Variants in DOCK7 observed in about 807,000 individuals in gnomAD.
DOCK7 encodes dedicator of cytokinesis 7.
A neutral mutation model predicts 271.0 loss-of-function variants in DOCK7; 138 were observed. That is an observed-to-expected ratio of 0.51 (90% CI 0.44 to 0.59). The LOEUF (loss-of-function observed/expected upper bound fraction) is 0.59. Ranked by LOEUF, DOCK7 falls within the 20% of genes least tolerant of loss-of-function variation. DOCK7 has a pLI of 0.00. For synonymous variants in DOCK7, 823 were observed against 876.1 expected (o/e 0.94, Z 1.07); for missense variants, 2,066 against 2,592.4 (o/e 0.80, Z 4.41).
chr1:62,598,585 A>G, intron 14 of DOCK7: 1 of 690,098 alleles, frequency 1.4e-6, no homozygotes, highest in South Asian at 1.7e-5. Flanking sequence ...GCCAATATTC[A>G]TTTTTCAAAT....
At chr1:62,524,953 ATATTAC>A (rs1557666256) in intron 31 of DOCK7, among the ~76,000 whole-genome samples, 1 of 119,420 alleles carries the variant, frequency 8.4e-6, no homozygotes, top group African/African-American at 3.0e-5. Context: ...ATATATATAT[ATATTAC>A]TATAAACTAT....
In DOCK7 at chr1:62,501,267, A is replaced by G. The variant is rs181657324; in HGVS notation, c.4764+3363T>C. 2.1e-3 allele frequency among the ~76,000 whole-genome samples: 316 copies of G among 152,306 alleles called. 2 individuals are homozygous for G. Among genetic ancestry groups the G allele is most frequent in the African/African-American group, 7.2e-3 (301 of 41,566 alleles). On this transcript the variant is annotated intron_variant, in intron 37 of 49. Transcript: ENST00000635253. The stretch of plus-strand genomic sequence containing the variant: ...ATATTTAGCTAAATAAAAGATAATT[A>G]CAGCCCTAAAAAACTGGTGGTAAGC...
intron 2 of DOCK7, among the ~76,000 whole-genome samples, chr1:62,655,687 G>A (rs1368659189): frequency 1.3e-5 from 2 of 152,074 alleles, no homozygotes; most frequent in African/African-American, 2.4e-5. Flanking sequence ...TCGGCCTCCC[G>A]AAGTGCTGGG....
intron 12 of DOCK7, among the ~76,000 whole-genome samples, chr1:62,620,684 T>A (rs948791790): frequency 9.9e-5 from 15 of 151,104 alleles, no homozygotes; most frequent in Non-Finnish European, 1.8e-4. Flanking sequence ...ATCGAGACCA[T>A]CCTGGCCAAC....
intron 31 of DOCK7, among the ~76,000 whole-genome samples, chr1:62,514,718 A>C (rs977052038): frequency 9.4e-5 from 10 of 106,294 alleles, no homozygotes; most frequent in Non-Finnish European, 2.1e-4. Flanking sequence ...ATCATGTTTT[A>C]TTTAGCTCTC....
chr1:62,472,249 C>T (rs952095370), intron 48 of DOCK7, among the ~76,000 whole-genome samples: 24 of 151,980 alleles, frequency 1.6e-4, no homozygotes, highest in African/African-American at 5.3e-4. Context: ...GGATTACATG[C>T]GCCCACCACC....
chr1:62,544,148 GAAT>G (rs1273321037), intron 23 of DOCK7, among the ~76,000 whole-genome samples: 1 of 152,030 alleles, frequency 6.6e-6, no homozygotes, highest in Admixed American at 6.6e-5. Flanking sequence ...AAAAAGTTTA[GAAT>G]AATTTCTTTC....
chr1:62,459,873 G>A (rs1424510520), intron 48 of DOCK7, among the ~76,000 whole-genome samples: 1 of 152,082 alleles, frequency 6.6e-6, no homozygotes, highest in Non-Finnish European at 1.5e-5. Flanking sequence ...GCCAAGGCGG[G>A]CGGATCATGA....
intron 27 of DOCK7, among the ~76,000 whole-genome samples, chr1:62,539,326 T>C (rs768512904): frequency 5.3e-4 from 81 of 152,168 alleles, no homozygotes; most frequent in Non-Finnish European, 1.3e-4. Context: ...CTCAAGGAAA[T>C]ACTGGCTGTA....
chr1:62,662,214 G>A (rs912751697), intron 2 of DOCK7, among the ~76,000 whole-genome samples: 5 of 151,894 alleles, frequency 3.3e-5, no homozygotes, highest in Non-Finnish European at 7.4e-5. Flanking sequence ...GACAAATGGA[G>A]GTATGTTTTT....
chr1:62,464,435 G>C (rs77083979), intron 48 of DOCK7, among the ~76,000 whole-genome samples: 1 of 150,066 alleles, frequency 6.7e-6, no homozygotes, highest in Non-Finnish European at 1.5e-5. Context: ...TAATCCCAGC[G>C]CTTTGGGAGG....
intron 1 of DOCK7, among the ~76,000 whole-genome samples, chr1:62,668,873 C>T (rs1323515933): frequency 1.3e-5 from 2 of 150,296 alleles, no homozygotes; most frequent in South Asian, 2.1e-4. Context: ...TATAGTAAGC[C>T]TTAATCGTAC....
Position 62,552,848 on chromosome 1 carries a change from C to A in DOCK7, c.2650G>T (p.Val884Leu). 1 of 1,613,724 alleles carries A rather than the reference C, an allele frequency of 6.2e-7. No individual in the cohort carries two copies. Among genetic ancestry groups the A allele is most frequent in the Non-Finnish European group, 8.5e-7 (1 of 1,179,912 alleles). ...TTTAAATTAAGGCTTGCAGGTCTCA[C>A]CGCAGATCTAGCCATTGTGGCATAA... ...VHYATMARSA[V>L]RPASLNLNRS... Residue 884 changes from valine (V) to leucine (L), a missense_variant, in exon 22 of 50, where the codon GTG becomes TTG. Physicochemically the swap from Val to Leu is conservative, Grantham distance 32. This residue lies in a region of DOCK7 where 1,414 missense variants were observed against 1,670.4 expected (regional missense o/e 0.85). Transcript: ENST00000635253.
chr1:62,487,282 T>C (rs1646321669), intron 43 of DOCK7, 116 bp downstream of exon 43: 4 of 970,598 alleles, frequency 4.1e-6, no homozygotes, highest in Admixed American at 2.3e-5. Context: ...ATGAATTCAG[T>C]TGATAGCAGA....
intron 23 of DOCK7, among the ~76,000 whole-genome samples, chr1:62,544,657 A>T (rs1645642407): frequency 6.6e-6 from 1 of 152,222 alleles, no homozygotes; most frequent in African/African-American, 2.4e-5. Flanking sequence ...CTACCCCTAA[A>T]GAAGAAACTG....
intron 18 of DOCK7, among the ~76,000 whole-genome samples, chr1:62,574,375 C>T (rs534151920): frequency 1.3e-5 from 2 of 151,990 alleles, no homozygotes; most frequent in South Asian, 4.2e-4. Flanking sequence ...ACTTTACAGA[C>T]TTTATGACAG....
At chr1:62,499,521 G>C (rs1252215257) in intron 37 of DOCK7, among the ~76,000 whole-genome samples, 1 of 152,152 alleles carries the variant, frequency 6.6e-6, no homozygotes, top group African/African-American at 2.4e-5. Context: ...AGCAAAGAGT[G>C]AGGAATCCTA....
At chr1:62,539,087 C>T (rs1206818075) in intron 27 of DOCK7, among the ~76,000 whole-genome samples, 1 of 152,152 alleles carries the variant, frequency 6.6e-6, no homozygotes, top group African/African-American at 2.4e-5. Context: ...AGATAATGAA[C>T]ATATGGCAAA....
intron 13 of DOCK7, 108 bp from the exon 14 acceptor site, chr1:62,618,976 A>G: frequency 1.0e-6 from 1 of 999,070 alleles, no homozygotes; most frequent in Non-Finnish European, 1.5e-6. Context: ...TGGGAAGAAT[A>G]TTACAGAAAC....
Sources: gnomAD v4.1 joint callset for allele counts (sites outside exome capture counted in the v4.1 genomes callset) on GRCh38, gnomAD v4.1.1 for gene constraint, gnomAD v4.1.1 regional missense constraint, MANE v1.5 for transcripts, NCBI Gene and HGNC (gene_info 2026-07-23, HGNC 2026-07-21) for gene names.